GEMIN8: variants seen among roughly 807,000 people sequenced by gnomAD.
GEMIN8 encodes gem nuclear organelle associated protein 8, also known as gem-associated protein 8.
For synonymous variants in GEMIN8, 80 were observed against 78.5 expected, an observed-to-expected ratio of 1.02 and a Z score of -0.10; for missense variants, 185 against 205.9, an observed-to-expected ratio of 0.90 and a Z score of 0.62.
the GEMIN8 span, among the ~76,000 whole-genome samples, chrX:13,995,784 T>G: frequency 9.0e-6 from 1 of 111,569 alleles, no homozygotes; most frequent in East Asian, 2.8e-4. Flanking sequence ...TTGGGCCCAC[T>G]TGGAGGATAC....
chrX:14,025,957 G>C, intron 2 of GEMIN8, 183 bp downstream of exon 2: 1 of 424,885 alleles, frequency 2.4e-6, no homozygotes, highest in Non-Finnish European at 3.0e-6. Context: ...TTCACGCATG[G>C]AGAACTTAAG....
intron 2 of GEMIN8, chrX:14,025,914 G>T: frequency 5.9e-6 from 1 of 170,417 alleles, no homozygotes; most frequent in Non-Finnish European, 9.4e-6. Context: ...TCTAGAGATA[G>T]GTCCGATTAG....
At chrX:14,013,947 T>C (rs1383449688) in intron 4 of GEMIN8, 2 of 709,073 alleles carry the variant, frequency 2.8e-6, no homozygotes. Flanking sequence ...TCAGGATACA[T>C]AATCCTGGTA....
At chrX:13,999,575 C>T in the GEMIN8 span, among the ~76,000 whole-genome samples, 14 of 111,674 alleles carry the variant, frequency 1.3e-4, no homozygotes, top group African/African-American at 4.2e-4. Flanking sequence ...TGCGCCCGGC[C>T]GGCTGTATCT....
At chrX:14,021,359 C>T in intron 3 of GEMIN8, 105 bp downstream of exon 3, 1 of 478,216 alleles carries the variant, frequency 2.1e-6, no homozygotes, top group Non-Finnish European at 3.7e-6. Context: ...ACTAACCTGC[C>T]CGTTGTGCGC....
At chrX:14,005,019 G>A (rs1259651617), downstream of GEMIN8, among the ~76,000 whole-genome samples, 5 of 111,599 alleles carry the variant, frequency 4.5e-5, no homozygotes, top group Non-Finnish European at 7.5e-5. Context: ...GATATTGTGA[G>A]ATAATAAAAA....
downstream of GEMIN8, among the ~76,000 whole-genome samples, chrX:14,006,542 G>A (rs1288667429): frequency 9.0e-6 from 1 of 111,618 alleles, no homozygotes; most frequent in Non-Finnish European, 1.9e-5. Flanking sequence ...ACAAACAAAC[G>A]AGTCACGTGT....
the GEMIN8 span, among the ~76,000 whole-genome samples, chrX:14,001,682 C>T: frequency 8.9e-6 from 1 of 111,768 alleles, no homozygotes; most frequent in Admixed American, 9.4e-5. Context: ...CACCACACCC[C>T]GCTAATTTTT....
At chrX:13,999,271 A>AT in the GEMIN8 span, among the ~76,000 whole-genome samples, 21,655 of 88,900 alleles carry the variant, frequency 0.24, 2,722 homozygotes, top group Non-Finnish European at 0.31. Context: ...CTGTATGTAG[A>AT]TTTTTTTTTT....
chrX:14,006,798 C>T lies in GEMIN8; in HGVS notation c.*2115G>A, dbSNP rs898062595. Among the ~76,000 whole-genome samples, 17 of 111,586 alleles carry T rather than the reference C, an allele frequency of 1.5e-4. No individual in the cohort carries two copies. The highest frequency in any genetic ancestry group is 4.2e-4 in the African/African-American group (13 of 30,628). The stretch of plus-strand genomic sequence containing the variant: ...TTTACAGGCACTACTCAATGTGGTC[C>T]GCACAATGACCCCACGAGAGAATTA... On this transcript the variant is annotated 3_prime_UTR_variant, in exon 5 of 5. Transcript: ENST00000680255.
chrX:14,002,652 C>A (rs190573191), downstream of GEMIN8, among the ~76,000 whole-genome samples: 21 of 110,665 alleles, frequency 1.9e-4, no homozygotes, highest in Admixed American at 1.3e-3. Context: ...TACAGGTGTG[C>A]ACCACCATGC....
chrX:13,998,268 G>T, the GEMIN8 span, among the ~76,000 whole-genome samples: 6 of 109,439 alleles, frequency 5.5e-5, no homozygotes, highest in Non-Finnish European at 1.1e-4. Context: ...ATAGAGAGGG[G>T]GTGATATGGT....
At chrX:14,009,424 G>T (rs1317278836) in intron 4 of GEMIN8, among the ~76,000 whole-genome samples, 3 of 111,858 alleles carry the variant, frequency 2.7e-5, no homozygotes, top group Non-Finnish European at 5.6e-5. Flanking sequence ...ATGGCAAAGA[G>T]TTGAGTGCCT....
At position 14,014,498 on chromosome X, in the gene GEMIN8, G is replaced by T. The variant is rs773132410; in HGVS notation, c.473-5329C>A. 8.0e-6 allele frequency: 6 copies of T among 748,235 alleles called. No homozygotes were observed. The East Asian group carries it at 9.1e-4, about 114-fold the overall frequency. 61.7% of individuals were successfully genotyped at this position (748,235 alleles called of 1,213,427 possible). A position where few individuals can be genotyped will look rare whatever the true frequency, so the allele number is the denominator to read the frequency against. Reference sequence around the variant, plus strand: ...TCCACTTTTCTACAGCCATTAACACGTATCATCTCACTGATCGGTTTTGTG... The same window carrying T: ...TCCACTTTTCTACAGCCATTAACACTTATCATCTCACTGATCGGTTTTGTG... On this transcript the variant is annotated intron_variant, in intron 4 of 4. Transcript: ENST00000680255.
chrX:13,993,664 T>A, the GEMIN8 span, among the ~76,000 whole-genome samples: 2 of 110,132 alleles, frequency 1.8e-5, no homozygotes, highest in Non-Finnish European at 3.8e-5. Flanking sequence ...CCTCTAGCAA[T>A]CCTCCCACTT....
chrX:14,002,352 T>C (rs1441583842), downstream of GEMIN8, among the ~76,000 whole-genome samples: 4 of 109,653 alleles, frequency 3.6e-5, no homozygotes, highest in African/African-American at 1.3e-4. Flanking sequence ...GATAGATAGA[T>C]AGATAGATAG....
intron 4 of GEMIN8, among the ~76,000 whole-genome samples, chrX:14,016,866 A>AAAATATAT (rs1555947311): frequency 5.2e-5 from 3 of 57,168 alleles, no homozygotes; most frequent in Non-Finnish European, 9.0e-5. Flanking sequence ...AAAAAAAAAA[A>AAAATATAT]ATATATATAT....
chrX:14,019,786 G>A (rs759818030), intron 4 of GEMIN8, among the ~76,000 whole-genome samples: 19 of 88,171 alleles, frequency 2.2e-4, no homozygotes, highest in African/African-American at 7.6e-4. Flanking sequence ...ACACACACAA[G>A]CATGCATGCA....
At chrX:14,029,499 G>A (rs764715733) in intron 1 of GEMIN8, 1 of 112,064 alleles carries the variant, frequency 8.9e-6, no homozygotes, top group East Asian at 2.8e-4. Context: ...GTCCGGGATG[G>A]GGGCCCGGGG....
Sources: gnomAD v4.1 joint callset for allele counts (sites outside exome capture counted in the v4.1 genomes callset) on GRCh38, gnomAD v4.1.1 for gene constraint, MANE v1.5 for transcripts, NCBI Gene and HGNC (gene_info 2026-07-23, HGNC 2026-07-21) for gene names.